MYO18B: variants seen among roughly 807,000 people sequenced by gnomAD.
The protein encoded by MYO18B is unconventional myosin-XVIIIb.
MYO18B carries 204 observed loss-of-function variants against 273.0 expected under a neutral mutation model. The observed-to-expected ratio is 0.75, with a 90% confidence interval of 0.67 to 0.84. MYO18B has a LOEUF of 0.84. Among genes scored for constraint, MYO18B ranks in the 40% least tolerant of loss-of-function variants. MYO18B has a pLI of 0.00. For synonymous variants in MYO18B, 1,330 were observed against 1,305.7 expected (o/e 1.02, Z -0.40); for missense variants, 3,212 against 3,287.6 (o/e 0.98, Z 0.56).
At chr22:25,971,667 A>C (rs2093036889) in intron 39 of MYO18B, among the ~76,000 whole-genome samples, 1 of 152,166 alleles carries the variant, frequency 6.6e-6, no homozygotes, top group Non-Finnish European at 1.5e-5. Context: ...TGTTCAGACT[A>C]TTTCGTTTCC....
chr22:25,752,633 TGCAG>T (rs71718657), intron 1 of MYO18B, among the ~76,000 whole-genome samples: 47,669 of 151,942 alleles, frequency 0.31, 7,831 homozygotes, highest in South Asian at 0.42. Flanking sequence ...GCCACAGCTA[TGCAG>T]CTGCCACTAC....
intron 37 of MYO18B, 77 bp from the exon 38 acceptor site, chr22:25,952,209 C>A: frequency 4.0e-6 from 6 of 1,516,900 alleles, no homozygotes; most frequent in Non-Finnish European, 5.4e-6. Flanking sequence ...CCCACCCTCC[C>A]AGGCTGGGTC....
intron 42 of MYO18B, among the ~76,000 whole-genome samples, chr22:26,006,861 C>T (rs756962908): frequency 3.3e-5 from 5 of 152,032 alleles, no homozygotes; most frequent in African/African-American, 7.2e-5. Flanking sequence ...ATTTGATGCC[C>T]GGAGGAATCC....
intron 27 of MYO18B, 106 bp downstream of exon 27, chr22:25,891,518 G>C (rs917789760): frequency 5.6e-6 from 4 of 708,844 alleles, no homozygotes; most frequent in African/African-American, 1.8e-5. Flanking sequence ...TATTGCATGA[G>C]GGGCTGCGAC....
chr22:26,043,364 A>G, the MYO18B span, among the ~76,000 whole-genome samples: 1 of 152,078 alleles, frequency 6.6e-6, no homozygotes. Context: ...TGCTGTGAAC[A>G]TTTGTGTTCA....
intron 27 of MYO18B, among the ~76,000 whole-genome samples, chr22:25,893,175 A>G (rs1329080954): frequency 6.6e-6 from 1 of 152,256 alleles, no homozygotes; most frequent in Non-Finnish European, 1.5e-5. Flanking sequence ...GTGGTACCAC[A>G]ACCACCTCTA....
chr22:26,013,107 A>G (rs1215186793), intron 42 of MYO18B, among the ~76,000 whole-genome samples: 2 of 130,652 alleles, frequency 1.5e-5, no homozygotes, highest in East Asian at 3.9e-4. Flanking sequence ...TTCTTTCGAT[A>G]TTTTTTCAAG....
In MYO18B at chr22:26,029,120, T is replaced by C. The variant is rs149251965; in HGVS notation, c.*13-1323T>C. ...AATCCCTACATTTATCTTTAAAAGT[T>C]TTCCCTAGGGACACATTCCAGGCAT... On this transcript the variant is annotated intron_variant, in intron 43 of 43. Transcript: ENST00000335473. 5.2e-4 allele frequency among the ~76,000 whole-genome samples: 79 copies of C among 152,300 alleles called. 1 individual carries two copies. The South Asian group carries it at 0.016, about 30-fold the overall frequency.
At chr22:25,855,408 T>C (rs778585751) in intron 21 of MYO18B, among the ~76,000 whole-genome samples, 11 of 150,916 alleles carry the variant, frequency 7.3e-5, no homozygotes, top group Non-Finnish European at 1.2e-4. Flanking sequence ...CACAGCCTCC[T>C]GAGTAGCTGG....
At chr22:25,802,590 A>C (rs1314135524) in intron 12 of MYO18B, among the ~76,000 whole-genome samples, 2 of 151,808 alleles carry the variant, frequency 1.3e-5, no homozygotes, top group African/African-American at 4.8e-5. Flanking sequence ...TCTACTAAAA[A>C]AAAATACAAA....
chr22:25,928,010 T>C (rs1464633029), intron 34 of MYO18B, among the ~76,000 whole-genome samples: 1 of 152,140 alleles, frequency 6.6e-6, no homozygotes, highest in Non-Finnish European at 1.5e-5. Flanking sequence ...TACATGTATG[T>C]AGACATTCTA....
At chr22:25,975,049 C>A (rs1002492503) in intron 39 of MYO18B, among the ~76,000 whole-genome samples, 3 of 151,990 alleles carry the variant, frequency 2.0e-5, no homozygotes, top group African/African-American at 4.8e-5. Flanking sequence ...TGAGTCAAGC[C>A]CCTCGATCAG....
intron 22 of MYO18B, among the ~76,000 whole-genome samples, chr22:25,870,707 C>T (rs552445709): frequency 5.3e-5 from 8 of 152,248 alleles, no homozygotes; most frequent in African/African-American, 9.6e-5. Context: ...GCATCAGCAT[C>T]GCCCAACAGC....
chr22:25,948,761 C>T (rs1376331581), intron 36 of MYO18B, among the ~76,000 whole-genome samples: 1 of 151,812 alleles, frequency 6.6e-6, no homozygotes, highest in Non-Finnish European at 1.5e-5. Context: ...ATATGGTCAC[C>T]CAGAGCAGAG....
chr22:25,852,640 C>T (rs934908097), intron 21 of MYO18B, among the ~76,000 whole-genome samples: 6 of 152,216 alleles, frequency 3.9e-5, no homozygotes, highest in Non-Finnish European at 7.3e-5. Flanking sequence ...CTATTACACT[C>T]CATTTACAAA....
rs183217761 is a variant in MYO18B, at chr22:25,759,986, A to G, written c.-109-998A>G. On this transcript the variant is annotated intron_variant, in intron 1 of 43. Transcript: ENST00000335473. ...ATCAAAATTTTCTAAGGCTCTCAAT[A>G]TGATGACAAATGATTTCTCCAAGCG... Among the ~76,000 whole-genome samples the G allele has an allele frequency of 1.4e-4, 22 of 152,322 alleles. 1 individual carries two copies. The East Asian group carries it at 4.2e-3, about 29-fold the overall frequency.
intron 17 of MYO18B, 67 bp from the exon 18 acceptor site, chr22:25,843,668 G>C (rs2090149483): frequency 2.0e-6 from 3 of 1,528,892 alleles, no homozygotes; most frequent in Non-Finnish European, 2.7e-6. Context: ...TGCGTTTAAG[G>C]GATGCCAGCT....
chr22:25,786,430 C>T (rs2087391307), intron 11 of MYO18B, among the ~76,000 whole-genome samples: 1 of 151,752 alleles, frequency 6.6e-6, no homozygotes. Context: ...CACTCCAAAG[C>T]CTCTTTTCAA....
intron 22 of MYO18B, among the ~76,000 whole-genome samples, chr22:25,871,790 A>T (rs2091052982): frequency 1.5e-5 from 2 of 137,360 alleles, no homozygotes; most frequent in South Asian, 2.2e-4. Flanking sequence ...AAGGCAAAAA[A>T]AACAAAAAAC....
Sources: gnomAD v4.1 joint callset for allele counts (sites outside exome capture counted in the v4.1 genomes callset) on GRCh38, gnomAD v4.1.1 for gene constraint, MANE v1.5 for transcripts, NCBI Gene and HGNC (gene_info 2026-07-23, HGNC 2026-07-21) for gene names.